The following CPLANE1 variants were observed in gnomAD, a reference collection of about 807,000 sequenced individuals.
CPLANE1 encodes ciliogenesis and planar polarity effector 1.
CPLANE1 carries 263 observed loss-of-function variants against 362.5 expected under a neutral mutation model. The ratio of observed to expected loss-of-function variants is 0.73; its 90% CI spans 0.66 to 0.80. CPLANE1 has a LOEUF of 0.80. CPLANE1 is among the 30% of genes least tolerant of loss of function. The pLI, the probability that CPLANE1 is intolerant of heterozygous loss-of-function variation, is 0.00. For synonymous variants in CPLANE1, 1,212 were observed against 1,302.6 expected (o/e 0.93, Z 1.50); for missense variants, 3,461 against 3,793.4 (o/e 0.91, Z 2.30).
intron 23 of CPLANE1, 146 bp downstream of exon 23, chr5:37,187,268 C>T (rs1784342300): frequency 1.6e-6 from 1 of 609,030 alleles, no homozygotes; most frequent in South Asian, 2.9e-5. Flanking sequence ...TGAGGTCCTA[C>T]AGTATTTACC....
rs751011389 is a variant in CPLANE1, at chr5:37,115,057, G to T, written c.9311-8C>A. 7 of 1,562,538 alleles carry T rather than the reference G, an allele frequency of 4.5e-6. No homozygotes were observed. In the Admixed American group the frequency reaches 1.0e-4, roughly 23 times the overall value. ...TGGTGAAAGTGGCAGTTCCTATACA[G>T]AGAGACAAACATTATTAGCCTTCCA... On this transcript the variant is annotated splice_polypyrimidine_tract_variant and splice_region_variant and intron_variant, in intron 50 of 52. Transcript: ENST00000651892.
Position 37,247,566 on chromosome 5 carries a change from C to T in CPLANE1, c.81+52G>A, listed in dbSNP as rs1369161096. 3.4e-6 allele frequency: 5 copies of T among 1,463,094 alleles called. No individual in the cohort carries two copies. In the African/African-American group the frequency reaches 7.1e-5, roughly 21 times the overall value. The allele number at this position is 1,463,094 out of a possible 1,614,324, so 90.6% of individuals were successfully genotyped here. A position where few individuals can be genotyped will look rare whatever the true frequency, so the allele number is the denominator to read the frequency against. ...GAACACTCCTATATTACAGGCAAAA[C>T]ACACATATAACATATATAAAACTGG... On this transcript the variant is annotated intron_variant, in intron 2 of 52. Transcript: ENST00000651892.
chr5:37,220,586 C>A (rs1453321052), intron 15 of CPLANE1, among the ~76,000 whole-genome samples: 3 of 151,828 alleles, frequency 2.0e-5, no homozygotes, highest in African/African-American at 4.8e-5. Context: ...AGTGCAGTGG[C>A]GCTACCTTGG....
At chr5:37,142,886 G>C (rs1442621629) in intron 43 of CPLANE1, among the ~76,000 whole-genome samples, 2 of 152,196 alleles carry the variant, frequency 1.3e-5, no homozygotes, top group East Asian at 3.8e-4. Flanking sequence ...ATGTGGTTCT[G>C]TACACTGCAA....
At chr5:37,118,704 T>C (rs1761762490) in intron 50 of CPLANE1, among the ~76,000 whole-genome samples, 1 of 147,630 alleles carries the variant, frequency 6.8e-6, no homozygotes, top group South Asian at 2.1e-4. Context: ...GCCACATAAT[T>C]AGTTGTTATT....
the CPLANE1 span, chr5:37,085,491 A>G: frequency 2.5e-6 from 2 of 810,080 alleles, no homozygotes; most frequent in African/African-American, 1.7e-5. Flanking sequence ...TGCTCACAGC[A>G]TCCGCTACCT....
In CPLANE1 at chr5:37,239,809, A is replaced by G; in HGVS notation, c.738T>C (p.Pro246=). ...CTCTTGACTTTACTGATTCACATTT[A>G]GGAATTAAACTACAGAGATGACAGT... is the stretch of plus-strand genomic sequence containing the variant. ...QQDCHLCSLI[P]KCESVKSRGA... The change falls in exon 7 of 53, where the codon CCT becomes CCC. Residue 246 remains proline (P), a synonymous_variant. Transcript: ENST00000651892. 6.5e-7 allele frequency: 1 copy of G among 1,546,252 alleles called. No individual in the cohort carries two copies. Among genetic ancestry groups the G allele is most frequent in the Middle Eastern group, 1.7e-4 (1 of 5,966 alleles).
chr5:37,166,919 T>G, intron 35 of CPLANE1, 128 bp downstream of exon 35: 1 of 706,608 alleles, frequency 1.4e-6, no homozygotes, highest in Non-Finnish European at 2.3e-6. Flanking sequence ...TGCATGACAC[T>G]TGAAAAGAAA....
At chr5:37,141,482 A>C (rs942949615) in intron 44 of CPLANE1, 5 of 984,468 alleles carry the variant, frequency 5.1e-6, no homozygotes, top group Non-Finnish European at 6.0e-6. Flanking sequence ...ACTAAAACAC[A>C]CATGGCATCT....
chr5:37,175,982 T>C lies in CPLANE1; in HGVS notation c.5905A>G (p.Ile1969Val). 1 of 1,607,888 alleles carries C rather than the reference T, an allele frequency of 6.2e-7. No homozygotes were observed. Among genetic ancestry groups the C allele is most frequent in the Non-Finnish European group, 8.5e-7 (1 of 1,174,792 alleles). ...TGCCCAGGATGTGAAAAGGCTTCGA[T>C]CATACTATCAATAAAAATTAACAGG... ...EEKSTEQKGM[I>V]EAFSHPGHTT... Residue 1969 changes from isoleucine (I) to valine (V), a missense_variant, in exon 31 of 53, where the codon ATC becomes GTC. Ile to Val is a conservative substitution (Grantham distance 29). This residue lies in a region of CPLANE1 where 3,380 missense variants were observed against 3,666.1 expected (regional missense o/e 0.92). Coordinates refer to ENST00000651892, the MANE Select transcript of CPLANE1 (RefSeq NM_001384732.1).
At chr5:37,158,790 A>ATT (rs11347966) in intron 38 of CPLANE1, among the ~76,000 whole-genome samples, 23 of 138,798 alleles carry the variant, frequency 1.7e-4, no homozygotes, top group Non-Finnish European at 3.0e-4. Context: ...CATAATTCAC[A>ATT]TTTTTTTTTT....
chr5:37,183,193 T>C lies in CPLANE1; in HGVS notation c.4988A>G (p.Tyr1663Cys). 1 of 1,611,000 alleles carries C rather than the reference T, an allele frequency of 6.2e-7. No homozygotes were observed. The highest frequency in any genetic ancestry group is 8.5e-7 in the Non-Finnish European group (1 of 1,178,938). Residue 1663 changes from tyrosine to cysteine, a missense_variant, in exon 26 of 53, where the codon TAT (tyrosine) becomes TGT (cysteine). This residue lies in a region of CPLANE1 where 3,380 missense variants were observed against 3,666.1 expected (regional missense o/e 0.92). Transcript: ENST00000651892. ...VNQGIKPFLQ[Y>C]PSNEVNKNEG... ...ATTCTTATTGACTTCATTCGAAGGA[T>C]ATTGTAAAAAAGGTTTGATCCCTTG...
chr5:37,104,762 C>T (rs1757470451), downstream of CPLANE1, among the ~76,000 whole-genome samples: 1 of 150,960 alleles, frequency 6.6e-6, no homozygotes, highest in Admixed American at 6.6e-5. Flanking sequence ...AAAACACACA[C>T]ACACACAAAA....
intron 20 of CPLANE1, 148 bp downstream of exon 20, chr5:37,198,554 T>C (rs951324762): frequency 1.4e-6 from 1 of 725,198 alleles, no homozygotes; most frequent in Non-Finnish European, 2.2e-6. Flanking sequence ...ACAGGAAGAA[T>C]CTGGTCTGTT....
Position 37,167,106 on chromosome 5 carries a change from T to G in CPLANE1, c.7341A>C (p.Gln2447His), listed in dbSNP as rs1424374141. The change falls in exon 35 of 53, where the codon CAA becomes CAC. Residue 2447 changes from glutamine (Q) to histidine (H), a missense_variant. Coordinates refer to ENST00000651892, the MANE Select transcript of CPLANE1 (RefSeq NM_001384732.1). ...GTGGTTCTATTTTGACCTTTAGAAG[T>G]TGAAGGTGTCCAGCATCACCTTGTT... ...LFEQGDAGHL[Q>H]LLKVKIEPPE... 1 of 1,613,260 alleles carries G rather than the reference T, an allele frequency of 6.2e-7. No homozygotes were observed. Among genetic ancestry groups the G allele is most frequent in the Non-Finnish European group, 8.5e-7 (1 of 1,179,506 alleles).
In CPLANE1 at chr5:37,184,798, T is replaced by TA; in HGVS notation, c.4470dup (p.Ile1491TyrfsTer17). On this transcript the variant is annotated frameshift_variant, in exon 25 of 53. Transcript: ENST00000651892. Reference sequence around the variant, plus strand: ...AGATCTCAATTGTACCTTTGATAGATATTTATCCTACTTTTTTCTTCAACC... The same window carrying TA: ...AGATCTCAATTGTACCTTTGATAGATAATTTATCCTACTTTTTTCTTCAACC... The TA allele has an allele frequency of 6.2e-7, 1 of 1,611,184 alleles. No individual in the cohort carries two copies. Among genetic ancestry groups the TA allele is most frequent in the South Asian group, 1.1e-5 (1 of 90,408 alleles).
intron 50 of CPLANE1, among the ~76,000 whole-genome samples, chr5:37,118,247 TAAAC>T (rs1367336043): frequency 3.3e-5 from 5 of 151,110 alleles, no homozygotes; most frequent in Admixed American, 1.3e-4. Context: ...AATGAACAAA[TAAAC>T]AAAAATTAGC....
At chr5:37,243,715 T>C (rs1738457470) in intron 5 of CPLANE1, among the ~76,000 whole-genome samples, 1 of 146,744 alleles carries the variant, frequency 6.8e-6, no homozygotes, top group East Asian at 1.9e-4. Context: ...ATATAATATA[T>C]AATATACATG....
In CPLANE1 at chr5:37,243,600, T is replaced by A. The variant is rs1738388427; in HGVS notation, c.571-481A>T. ...TCTGTTATTTCCCAGTTAAATCGCA[T>A]ATTTAGTATCATCAATTCTAGCTTG... On this transcript the variant is annotated intron_variant, in intron 5 of 52. Coordinates refer to ENST00000651892, the MANE Select transcript of CPLANE1 (RefSeq NM_001384732.1). 3.3e-5 allele frequency among the ~76,000 whole-genome samples: 5 copies of A among 149,644 alleles called. No individual in the cohort carries two copies. In the Admixed American group the frequency reaches 3.4e-4, roughly 10 times the overall value.
Sources: allele counts gnomAD v4.1 joint callset (sites outside exome capture counted in the v4.1 genomes callset), GRCh38; gene constraint gnomAD v4.1.1; regional missense constraint gnomAD v4.1.1; transcripts MANE v1.5; gene names NCBI Gene and HGNC (gene_info 2026-07-23, HGNC 2026-07-21).